CHD6: variants seen among roughly 807,000 people sequenced by gnomAD.
CHD6 encodes the protein chromodomain helicase DNA binding protein 6.
Under a neutral mutation model 276.9 loss-of-function variants are expected in CHD6, and 50 were observed. The observed-to-expected ratio is 0.18, with a 90% CI of 0.14 to 0.23. CHD6 has a LOEUF of 0.23. Ranked by LOEUF, CHD6 falls within the 10% of genes least tolerant of loss-of-function variation. CHD6 has a pLI of 1.00. For synonymous variants in CHD6, 1,173 were observed against 1,229.3 expected, an observed-to-expected ratio of 0.95 and a Z score of 0.96; for missense variants, 2,564 against 3,365.8, an observed-to-expected ratio of 0.76 and a Z score of 5.89.
chr20:41,443,650 T>C (rs1175618441), intron 25 of CHD6, among the ~76,000 whole-genome samples: 1 of 152,214 alleles, frequency 6.6e-6, no homozygotes. Context: ...TCTCATCTTC[T>C]CTTTCATGTC....
At chr20:41,500,304 C>T (rs2043800520) in intron 5 of CHD6, among the ~76,000 whole-genome samples, 2 of 151,974 alleles carry the variant, frequency 1.3e-5, no homozygotes, top group Admixed American at 1.3e-4. Context: ...GGGTGTAAAG[C>T]CATAAAATTA....
Position 41,422,192 on chromosome 20 carries a change from G to A in CHD6, c.4556-113C>T, listed in dbSNP as rs998372446. On this transcript the variant is annotated intron_variant, in intron 30 of 36. Transcript: ENST00000373233. ...GTTTAGCTCCCTGGCTCCTCAGCAT[G>A]GCAGTTTCAGGTGTGTGAGCCCTTG... is the stretch of plus-strand genomic sequence containing the variant. 6 of 1,077,766 alleles carry A rather than the reference G, an allele frequency of 5.6e-6. No individual in the cohort carries two copies. The African/African-American group carries it at 7.9e-5, about 14-fold the overall frequency. 66.8% of individuals were successfully genotyped at this position (1,077,766 alleles called of 1,614,324 possible). A position where few individuals can be genotyped will look rare whatever the true frequency, so the allele number is the denominator to read the frequency against.
At chr20:41,501,036 T>C (rs2043818426) in intron 5 of CHD6, among the ~76,000 whole-genome samples, 1 of 152,186 alleles carries the variant, frequency 6.6e-6, no homozygotes, top group Non-Finnish European at 1.5e-5. Context: ...ACCACTGATC[T>C]TGCAGCCAAC....
intron 1 of CHD6, among the ~76,000 whole-genome samples, chr20:41,555,419 C>T (rs896286682): frequency 2.0e-5 from 3 of 150,904 alleles, no homozygotes; most frequent in African/African-American, 7.3e-5. Flanking sequence ...GGCTGACCCC[C>T]ACCTCCCTCC....
chr20:41,430,718 AAG>A (rs1211715347), intron 27 of CHD6, among the ~76,000 whole-genome samples: 1 of 152,206 alleles, frequency 6.6e-6, no homozygotes, highest in Non-Finnish European at 1.5e-5. Context: ...CTGGTTTGAA[AAG>A]AGTCAAGTTC....
intron 1 of CHD6, among the ~76,000 whole-genome samples, chr20:41,555,096 CCGG>C (rs1476607669): frequency 7.1e-6 from 1 of 140,252 alleles, no homozygotes; most frequent in Non-Finnish European, 1.5e-5. Flanking sequence ...GGGCGGCTTG[CCGG>C]GCGGGGGGCT....
chr20:41,469,630 G>A (rs2043008326), intron 17 of CHD6, among the ~76,000 whole-genome samples: 3 of 152,204 alleles, frequency 2.0e-5, no homozygotes. Context: ...CTGCTGATGT[G>A]CCAGGACTAA....
chr20:41,445,457 T>C (rs890775228), intron 25 of CHD6, among the ~76,000 whole-genome samples: 2 of 152,154 alleles, frequency 1.3e-5, no homozygotes, highest in African/African-American at 4.8e-5. Context: ...TGTTCCTCAA[T>C]AATATAAAAT....
rs1600978366 is a variant in CHD6, at chr20:41,484,401, G to A, written c.2208C>T (p.Asn736=). Residue 736 remains asparagine, a synonymous_variant, in exon 15 of 37, where the codon AAC becomes AAT. Coordinates refer to ENST00000373233, the MANE Select transcript of CHD6 (RefSeq NM_032221.5). ...ANQHNMPNLI[N]TMMELRKCCN... is the part of the protein sequence containing the mutation. ...AGCACTTCCTCAGCTCCATCATGGT[G>A]TTGATGAGATTGGGCATGTTGTGCT... The A allele has an allele frequency of 6.2e-7, 1 of 1,613,888 alleles. No individual in the cohort carries two copies. The highest frequency in any genetic ancestry group is 1.1e-5 in the South Asian group (1 of 91,082).
intron 17 of CHD6, among the ~76,000 whole-genome samples, chr20:41,469,684 T>C (rs948364119): frequency 2.0e-5 from 3 of 152,220 alleles, no homozygotes; most frequent in Non-Finnish European, 2.9e-5. Context: ...AAAGGCAAAC[T>C]GATAACCTTC....
intron 17 of CHD6, among the ~76,000 whole-genome samples, chr20:41,469,303 C>T (rs894168732): frequency 1.3e-5 from 2 of 152,136 alleles, no homozygotes; most frequent in Non-Finnish European, 2.9e-5. Context: ...TGCAGCCCAC[C>T]GTTGTTATCT....
Position 41,447,503 on chromosome 20 carries a change from T to C in CHD6, c.3773+379A>G, listed in dbSNP as rs530698939. Among the ~76,000 whole-genome samples, 142 of 152,310 alleles carry C rather than the reference T, an allele frequency of 9.3e-4. 1 individual carries two copies. The highest frequency in any genetic ancestry group is 3.3e-3 in the Admixed American group (51 of 15,296). On this transcript the variant is annotated intron_variant, in intron 24 of 36. Transcript: ENST00000373233. ...ATATGATTAGCAAATAAAGAAAATA[T>C]GTATATGAGTACTAAGGCAAAGAAC...
chr20:41,480,832 T>A (rs1569123714), intron 16 of CHD6, among the ~76,000 whole-genome samples: 2 of 152,182 alleles, frequency 1.3e-5, no homozygotes, highest in African/African-American at 4.8e-5. Context: ...GATATGGCTC[T>A]TTAAATTATG....
At chr20:41,475,428 A>G (rs1310764923) in intron 16 of CHD6, among the ~76,000 whole-genome samples, 1 of 152,224 alleles carries the variant, frequency 6.6e-6, no homozygotes, top group African/African-American at 2.4e-5. Flanking sequence ...GTTTTCCTAA[A>G]CACTTAAGAA....
intron 1 of CHD6, among the ~76,000 whole-genome samples, chr20:41,596,399 GACC>G (rs1296391447): frequency 1.3e-5 from 2 of 152,042 alleles, no homozygotes; most frequent in Non-Finnish European, 2.9e-5. Flanking sequence ...CAATTTTTAG[GACC>G]ACAAGTATAC....
chr20:41,554,434 G>C (rs1008063602), intron 1 of CHD6, among the ~76,000 whole-genome samples: 12 of 150,756 alleles, frequency 8.0e-5, no homozygotes, highest in South Asian at 2.1e-4. Flanking sequence ...GGTGTTTCTC[G>C]CAGAGGGGGA....
At chr20:41,594,872 T>TA (rs1247286343) in intron 1 of CHD6, among the ~76,000 whole-genome samples, 4 of 152,218 alleles carry the variant, frequency 2.6e-5, no homozygotes, top group African/African-American at 9.6e-5. Context: ...GTGTTAGGGA[T>TA]AAAAACCCCT....
intron 1 of CHD6, among the ~76,000 whole-genome samples, chr20:41,589,169 C>G (rs1167892381): frequency 1.3e-5 from 2 of 152,148 alleles, no homozygotes; most frequent in Non-Finnish European, 2.9e-5. Context: ...ATTCAACAGC[C>G]CTTCATGCTA....
chr20:41,510,914 C>T (rs1284678550), intron 5 of CHD6, among the ~76,000 whole-genome samples: 1 of 152,132 alleles, frequency 6.6e-6, no homozygotes, highest in Non-Finnish European at 1.5e-5. Flanking sequence ...ATTATAGTGA[C>T]AATATATCAA....
Sources: gnomAD v4.1 joint callset for allele counts (sites outside exome capture counted in the v4.1 genomes callset) on GRCh38, gnomAD v4.1.1 for gene constraint, MANE v1.5 for transcripts, NCBI Gene and HGNC (gene_info 2026-07-23, HGNC 2026-07-21) for gene names.